The following NXPH1 variants were observed in gnomAD, a reference collection of about 807,000 sequenced individuals.
NXPH1 encodes the protein neurexophilin-1.
In NXPH1, 5 loss-of-function variants were observed where a neutral mutation model predicts 23.7. That is an observed-to-expected ratio of 0.21 (90% CI 0.11 to 0.44). The LOEUF (loss-of-function observed/expected upper bound fraction) is 0.44, where lower values mean the gene tolerates loss of function less well. NXPH1 is among the 20% of genes least tolerant of loss of function. NXPH1 has a pLI of 0.99. For missense variants in NXPH1, 324 were observed against 321.6 expected (o/e 1.01, Z -0.06); for synonymous variants, 144 against 122.2 (o/e 1.18, Z -1.18).
intron 2 of NXPH1, among the ~76,000 whole-genome samples, chr7:8,747,986 C>T (rs1780499811): frequency 6.6e-6 from 1 of 152,080 alleles, no homozygotes; most frequent in Non-Finnish European, 1.5e-5. Flanking sequence ...AAGGATAATC[C>T]TTTTGATGTG....
At chr7:8,552,114 C>CAAAAAAAAAA (rs34390317) in intron 2 of NXPH1, among the ~76,000 whole-genome samples, 34 of 61,736 alleles carry the variant, frequency 5.5e-4, no homozygotes, top group African/African-American at 9.8e-4. Context: ...GAAAAAAAAC[C>CAAAAAAAAAA]AAAAAAAAAA....
At chr7:8,673,610 T>G (rs1383148283) in intron 2 of NXPH1, among the ~76,000 whole-genome samples, 1 of 152,152 alleles carries the variant, frequency 6.6e-6, no homozygotes, top group Non-Finnish European at 1.5e-5. Flanking sequence ...CCATGCTTCA[T>G]GCTTTCATGC....
At chr7:8,493,621 C>A (rs1238483694) in intron 2 of NXPH1, among the ~76,000 whole-genome samples, 1 of 152,014 alleles carries the variant, frequency 6.6e-6, no homozygotes, top group Non-Finnish European at 1.5e-5. Context: ...GAGTAAATGT[C>A]CACTTACGGG....
intron 2 of NXPH1, among the ~76,000 whole-genome samples, chr7:8,623,767 G>A (rs1485958442): frequency 7.1e-6 from 1 of 139,990 alleles, no homozygotes; most frequent in Non-Finnish European, 1.5e-5. Context: ...ATGCATATGT[G>A]TATTTTTATT....
At chr7:8,690,742 A>T (rs1385024449) in intron 2 of NXPH1, among the ~76,000 whole-genome samples, 1 of 152,162 alleles carries the variant, frequency 6.6e-6, no homozygotes, top group Middle Eastern at 3.2e-3. Flanking sequence ...GAAATAAACA[A>T]TCCTGGTGAT....
At chr7:8,449,567 G>A (rs929939872) in intron 2 of NXPH1, among the ~76,000 whole-genome samples, 3 of 152,126 alleles carry the variant, frequency 2.0e-5, no homozygotes, top group Admixed American at 2.0e-4. Flanking sequence ...CTAGTGATAT[G>A]GTTGATAATA....
intron 2 of NXPH1, among the ~76,000 whole-genome samples, chr7:8,603,017 G>A (rs1470809633): frequency 6.6e-6 from 1 of 152,112 alleles, no homozygotes; most frequent in Non-Finnish European, 1.5e-5. Flanking sequence ...TACCATGTCG[G>A]TCAGGTTGGT....
intron 2 of NXPH1, among the ~76,000 whole-genome samples, chr7:8,460,856 T>G (rs1187816730): frequency 6.6e-6 from 1 of 152,210 alleles, no homozygotes; most frequent in Admixed American, 6.5e-5. Context: ...AAAGGAAGAT[T>G]GGAGTGATCA....
intron 2 of NXPH1, among the ~76,000 whole-genome samples, chr7:8,648,159 A>G (rs1820425812): frequency 1.3e-5 from 2 of 152,208 alleles, no homozygotes; most frequent in Non-Finnish European, 2.9e-5. Flanking sequence ...TTTGAGTTAC[A>G]AACAATCCAA....
intron 2 of NXPH1, among the ~76,000 whole-genome samples, chr7:8,603,802 A>G (rs1049272934): frequency 2.0e-5 from 3 of 151,888 alleles, no homozygotes; most frequent in African/African-American, 7.3e-5. Context: ...CCTCTCCTTT[A>G]TTTGTTGGAT....
At chr7:8,748,397 A>G (rs1562473909) in intron 2 of NXPH1, among the ~76,000 whole-genome samples, 1 of 152,192 alleles carries the variant, frequency 6.6e-6, no homozygotes, top group Non-Finnish European at 1.5e-5. Flanking sequence ...TCAATTTCCT[A>G]TATTTTCCCC....
intron 2 of NXPH1, among the ~76,000 whole-genome samples, chr7:8,488,622 T>C (rs1449832068): frequency 6.6e-6 from 1 of 152,158 alleles, no homozygotes; most frequent in Non-Finnish European, 1.5e-5. Context: ...TTTGGTCTTC[T>C]GAAGGCTAAT....
chr7:8,685,629 T>G (rs1821135127), intron 2 of NXPH1, among the ~76,000 whole-genome samples: 1 of 152,052 alleles, frequency 6.6e-6, no homozygotes, highest in Non-Finnish European at 1.5e-5. Flanking sequence ...TACCCAGCAG[T>G]AGGATTGTTG....
intron 2 of NXPH1, among the ~76,000 whole-genome samples, chr7:8,710,262 C>G (rs1429721980): frequency 6.6e-6 from 1 of 152,196 alleles, no homozygotes; most frequent in Admixed American, 6.5e-5. Context: ...TGATTCCACA[C>G]TGTTCAACCT....
At chr7:8,535,139 T>TA (rs1818008086) in intron 2 of NXPH1, among the ~76,000 whole-genome samples, 2 of 152,026 alleles carry the variant, frequency 1.3e-5, no homozygotes, top group South Asian at 4.1e-4. Flanking sequence ...CAGATAAAGT[T>TA]AAAATATAGA....
chr7:8,727,837 A>G (rs1354410779), intron 2 of NXPH1, among the ~76,000 whole-genome samples: 1 of 152,006 alleles, frequency 6.6e-6, no homozygotes, highest in East Asian at 1.9e-4. Flanking sequence ...TTTTGGTTCC[A>G]TATGAACTTT....
intron 2 of NXPH1, among the ~76,000 whole-genome samples, chr7:8,657,720 A>T (rs963640049): frequency 6.6e-5 from 10 of 152,190 alleles, no homozygotes; most frequent in Non-Finnish European, 1.3e-4. Flanking sequence ...AACAAAATCA[A>T]TTGGAATATT....
intron 2 of NXPH1, among the ~76,000 whole-genome samples, chr7:8,637,308 G>A (rs1488551754): frequency 6.6e-6 from 1 of 151,102 alleles, no homozygotes; most frequent in Non-Finnish European, 1.5e-5. Flanking sequence ...CTGTAGCCTC[G>A]ACCTCCTGGG....
chr7:8,452,074 C>T (rs964279349), intron 2 of NXPH1, among the ~76,000 whole-genome samples: 6 of 152,276 alleles, frequency 3.9e-5, no homozygotes, highest in East Asian at 3.9e-4. Context: ...AGATGTCCCG[C>T]GGTTTGCATC....
Sources: allele counts gnomAD v4.1 joint callset (sites outside exome capture counted in the v4.1 genomes callset), GRCh38; gene constraint gnomAD v4.1.1; transcripts MANE v1.5; gene names NCBI Gene and HGNC (gene_info 2026-07-23, HGNC 2026-07-21).